NALCN: variants seen among roughly 807,000 people sequenced by gnomAD.
NALCN encodes sodium leak channel, non-selective, also known as sodium leak channel NALCN.
In NALCN, 111 loss-of-function variants were observed where a neutral mutation model predicts 225.3. That is an observed-to-expected ratio of 0.49 (90% CI 0.42 to 0.58). The LOEUF is 0.58. NALCN is among the 20% of genes least tolerant of loss of function. NALCN has a pLI of 0.00. For missense variants in NALCN, 1,378 were observed against 2,202.4 expected (o/e 0.63, Z 7.49); for synonymous variants, 764 against 769.0 (o/e 0.99, Z 0.11).
chr13:101,172,951 G>C (rs9518327), intron 15 of NALCN, among the ~76,000 whole-genome samples: 21,500 of 152,072 alleles, frequency 0.14, 1,974 homozygotes, highest in East Asian at 0.44. Flanking sequence ...TATTAACACA[G>C]TTAAAAACAT....
At chr13:101,299,361 G>A (rs2139084891) in intron 7 of NALCN, among the ~76,000 whole-genome samples, 1 of 152,288 alleles carries the variant, frequency 6.6e-6, no homozygotes, top group East Asian at 1.9e-4. Flanking sequence ...AGTGCAAAAT[G>A]TTCCCAAACG....
intron 7 of NALCN, among the ~76,000 whole-genome samples, chr13:101,303,622 A>G (rs2044049838): frequency 6.6e-6 from 1 of 152,172 alleles, no homozygotes; most frequent in Non-Finnish European, 1.5e-5. Context: ...TCATTCACGG[A>G]ATATGGTTCA....
At chr13:101,246,333 A>G (rs541094344) in intron 11 of NALCN, among the ~76,000 whole-genome samples, 1 of 152,320 alleles carries the variant, frequency 6.6e-6, no homozygotes, top group South Asian at 2.1e-4. Context: ...TCAAAGAATC[A>G]TGATGGATAT....
chr13:101,233,736 T>C (rs530786998), intron 12 of NALCN, among the ~76,000 whole-genome samples: 1 of 152,224 alleles, frequency 6.6e-6, no homozygotes, highest in East Asian at 1.9e-4. Flanking sequence ...GTCCTTATCT[T>C]AGGGCTTGTT....
At chr13:101,090,308 T>C (rs1016082571) in intron 28 of NALCN, among the ~76,000 whole-genome samples, 1 of 152,196 alleles carries the variant, frequency 6.6e-6, no homozygotes, top group African/African-American at 2.4e-5. Context: ...TTGTCCTGAT[T>C]ACCCTGAGGA....
intron 15 of NALCN, among the ~76,000 whole-genome samples, chr13:101,160,174 TCGATCTCC>T (rs1360295595): frequency 5.3e-5 from 8 of 152,276 alleles, no homozygotes; most frequent in African/African-American, 1.4e-4. Context: ...CAGGATGGTC[TCGATCTCC>T]TGACCTTGTG....
rs201002267 is a variant in NALCN at position 101,237,818 on chromosome 13, G to A, written c.1371C>T (p.Leu457=). ...SSSLHKFELL[L]VIGTTLHVYP... ...ATACATGAAGAGTAGTTCCAATTAC[G>A]AGTAGTAGTTCGAATTTGTGGAGAG... Residue 457 remains leucine, a synonymous_variant, in exon 12 of 44, where the codon CTC becomes CTT. Coordinates refer to ENST00000251127, the MANE Select transcript of NALCN (RefSeq NM_052867.4). The A allele has an allele frequency of 5.0e-5, 81 of 1,606,374 alleles. No homozygotes were observed. Among genetic ancestry groups the A allele is most frequent in the African/African-American group, 4.0e-5 (3 of 74,334 alleles).
Position 101,345,351 on chromosome 13 carries a change from CT to C in NALCN, c.713del (p.Gln238ArgfsTer29). 1 of 1,613,812 alleles carries C rather than the reference CT, an allele frequency of 6.2e-7. No individual in the cohort carries two copies. The highest frequency in any genetic ancestry group is 8.5e-7 in the Non-Finnish European group (1 of 1,179,814). ...CCATGCATTTAAATCCAGGTGGGCA[CT>C]GGTAGCCTTCTTCTAGCTCTGGTGA... ...HCSPELEEGY[Q>X]CPPGFKCMDL... On this transcript the variant is annotated frameshift_variant, in exon 7 of 44. Coordinates refer to ENST00000251127, the MANE Select transcript of NALCN (RefSeq NM_052867.4). LOFTEE classifies it high-confidence loss of function.
chr13:101,256,096 T>C (rs2042219727), intron 11 of NALCN, among the ~76,000 whole-genome samples: 2 of 152,038 alleles, frequency 1.3e-5, no homozygotes, highest in Non-Finnish European at 2.9e-5. Flanking sequence ...GTCGTTTCCA[T>C]TTCTGCCTTG....
At chr13:101,319,598 C>T (rs566062147) in intron 7 of NALCN, among the ~76,000 whole-genome samples, 14 of 152,076 alleles carry the variant, frequency 9.2e-5, no homozygotes, top group African/African-American at 1.7e-4. Context: ...TTGGTACATA[C>T]GTTCCCATTT....
intron 1 of NALCN, among the ~76,000 whole-genome samples, chr13:101,407,839 T>C (rs1314846129): frequency 6.6e-6 from 1 of 152,226 alleles, no homozygotes; most frequent in East Asian, 1.9e-4. Flanking sequence ...ACAAAGATGA[T>C]GTGTTTTATT....
At chr13:101,382,307 C>T (rs2046872410) in intron 3 of NALCN, among the ~76,000 whole-genome samples, 3 of 106,744 alleles carry the variant, frequency 2.8e-5, no homozygotes, top group African/African-American at 8.5e-5. Context: ...GGGAGGGGGG[C>T]GGGCAAGTGA....
chr13:101,061,386 CT>C (rs10637556), intron 41 of NALCN, among the ~76,000 whole-genome samples: 2,085 of 148,536 alleles, frequency 0.014, 50 homozygotes, highest in African/African-American at 0.048. Context: ...TATCAATAAA[CT>C]TTTTTTTTTT....
intron 3 of NALCN, among the ~76,000 whole-genome samples, chr13:101,380,857 AACACAC>A (rs58640505): frequency 0.17 from 24,019 of 145,526 alleles, 1,896 homozygotes; most frequent in East Asian, 0.25. Context: ...ATGCCTAGCT[AACACAC>A]ACACACACAC....
chr13:101,158,247 A>G (rs544540086), intron 15 of NALCN, among the ~76,000 whole-genome samples: 1 of 152,318 alleles, frequency 6.6e-6, no homozygotes, highest in Non-Finnish European at 1.5e-5. Context: ...TCTTTTTTGT[A>G]TAAGGAGAGT....
chr13:101,391,323 TAG>T (rs1441258079), intron 3 of NALCN, among the ~76,000 whole-genome samples: 2 of 152,076 alleles, frequency 1.3e-5, no homozygotes, highest in Non-Finnish European at 2.9e-5. Flanking sequence ...ACAAAATAAA[TAG>T]GGGATAATTT....
At chr13:101,126,720 T>C (rs961899197) in intron 17 of NALCN, among the ~76,000 whole-genome samples, 18 of 152,238 alleles carry the variant, frequency 1.2e-4, no homozygotes, top group African/African-American at 4.3e-4. Flanking sequence ...CTTGAACTCC[T>C]GACCTTGTGA....
chr13:101,076,419 G>C (rs1241806520), intron 34 of NALCN, among the ~76,000 whole-genome samples: 1 of 152,158 alleles, frequency 6.6e-6, no homozygotes, highest in Non-Finnish European at 1.5e-5. Flanking sequence ...CCCTGCTCAG[G>C]AACACATCCA....
At chr13:101,271,814 AGT>A (rs1033820862) in intron 10 of NALCN, among the ~76,000 whole-genome samples, 7 of 149,816 alleles carry the variant, frequency 4.7e-5, no homozygotes, top group Non-Finnish European at 1.0e-4. Flanking sequence ...TGTGTGTGTC[AGT>A]GTGTCACCGT....
Sources: gnomAD v4.1 joint callset for allele counts (sites outside exome capture counted in the v4.1 genomes callset) on GRCh38, gnomAD v4.1.1 for gene constraint, MANE v1.5 for transcripts, NCBI Gene and HGNC (gene_info 2026-07-23, HGNC 2026-07-21) for gene names.